Variants in UBAP2 observed in about 807,000 individuals in gnomAD.
UBAP2 encodes ubiquitin-associated protein 2.
In UBAP2, 75 loss-of-function variants were observed where a neutral mutation model predicts 139.6. That is an observed-to-expected ratio of 0.54 (90% confidence interval 0.45 to 0.65). The LOEUF (loss-of-function observed/expected upper bound fraction) is 0.65. Ranked by LOEUF, UBAP2 falls within the 30% of genes least tolerant of loss-of-function variation. The pLI, the probability that UBAP2 is intolerant of heterozygous loss-of-function variation, is 0.00. For missense variants in UBAP2, 1,368 were observed against 1,369.6 expected, an observed-to-expected ratio of 1.00 and a Z score of 0.02; for synonymous variants, 526 against 526.2, an observed-to-expected ratio of 1.00 and a Z score of 0.01.
intron 2 of UBAP2, among the ~76,000 whole-genome samples, chr9:34,014,963 T>C (rs1305641472): frequency 6.6e-6 from 1 of 152,156 alleles, no homozygotes; most frequent in Non-Finnish European, 1.5e-5. Context: ...TGTCTGTTAA[T>C]ACCAGCAGAA....
chr9:34,016,286 AGG>A (rs1564064177), intron 2 of UBAP2, among the ~76,000 whole-genome samples: 10 of 17,464 alleles, frequency 5.7e-4, no homozygotes, highest in Middle Eastern at 0.033. Context: ...GAGGAAGAGG[AGG>A]AGGAGGAAGA....
intron 13 of UBAP2, among the ~76,000 whole-genome samples, chr9:33,945,506 A>T (rs1825591652): frequency 6.6e-6 from 1 of 151,624 alleles, no homozygotes; most frequent in Non-Finnish European, 1.5e-5. Flanking sequence ...ACAAACAAAC[A>T]AAAAACAAAA....
intron 1 of UBAP2, among the ~76,000 whole-genome samples, chr9:34,023,484 T>TA (rs1408117760): frequency 1.3e-5 from 2 of 152,180 alleles, no homozygotes; most frequent in Non-Finnish European, 2.9e-5. Flanking sequence ...TAACGCAAAC[T>TA]ATTAAAATTT....
At chr9:33,991,479 A>G (rs974155059) in intron 4 of UBAP2, among the ~76,000 whole-genome samples, 32 of 152,326 alleles carry the variant, frequency 2.1e-4, no homozygotes, top group African/African-American at 7.5e-4. Context: ...ATAGGTACAT[A>G]TAGAAAGAGG....
In UBAP2 at chr9:33,986,941, A is replaced by G. The variant is rs527683592; in HGVS notation, c.443-104T>C. The stretch of plus-strand genomic sequence containing the variant: ...GCAAAGAAGGAATGACAAACAGGCT[A>G]CAATTTAAACAACGGGTTCAAAAAC... On this transcript the variant is annotated intron_variant, in intron 5 of 28. Coordinates refer to ENST00000379238, the MANE Select transcript of UBAP2 (RefSeq NM_001370062.2). 76 of 989,718 alleles carry G rather than the reference A, an allele frequency of 7.7e-5. No individual in the cohort carries two copies. In the African/African-American group the frequency reaches 1.2e-3, roughly 15 times the overall value. 61.3% of individuals were successfully genotyped at this position (989,718 alleles called of 1,614,324 possible).
chr9:34,028,842 G>A (rs1179037399), intron 1 of UBAP2, among the ~76,000 whole-genome samples: 1 of 152,044 alleles, frequency 6.6e-6, no homozygotes, highest in African/African-American at 2.4e-5. Flanking sequence ...CTATAAAGCA[G>A]GGATCCCCAA....
chr9:34,000,963 C>T (rs1822648713), intron 2 of UBAP2, among the ~76,000 whole-genome samples: 1 of 152,124 alleles, frequency 6.6e-6, no homozygotes. Flanking sequence ...TCAATTGTTC[C>T]CTGTAAATGT....
At chr9:33,944,847 T>C (rs946825459) in intron 13 of UBAP2, among the ~76,000 whole-genome samples, 6 of 152,152 alleles carry the variant, frequency 3.9e-5, no homozygotes, top group Non-Finnish European at 7.3e-5. Flanking sequence ...CCAGAGAGAT[T>C]TGGTTTATGT....
intron 1 of UBAP2, among the ~76,000 whole-genome samples, chr9:34,044,892 G>T (rs1827431772): frequency 6.6e-6 from 1 of 151,790 alleles, no homozygotes; most frequent in South Asian, 2.1e-4. Flanking sequence ...TAAATGAAGA[G>T]TATTACCTAG....
At chr9:34,005,091 C>T (rs1358353259) in intron 2 of UBAP2, among the ~76,000 whole-genome samples, 2 of 151,702 alleles carry the variant, frequency 1.3e-5, no homozygotes, top group Admixed American at 6.6e-5. Context: ...GGTGAAACCC[C>T]GTCTACACTA....
chr9:33,970,693 A>G (rs1242890608), intron 8 of UBAP2, among the ~76,000 whole-genome samples: 1 of 152,060 alleles, frequency 6.6e-6, no homozygotes, highest in Non-Finnish European at 1.5e-5. Flanking sequence ...TGGCCACCTA[A>G]ATGCTGAGAC....
intron 9 of UBAP2, 72 bp downstream of exon 9, chr9:33,963,653 TA>T: frequency 1.1e-6 from 1 of 896,310 alleles, no homozygotes; most frequent in Non-Finnish European, 1.7e-6. Context: ...CTAGCTTTGA[TA>T]AAAAATGAAA....
intron 1 of UBAP2, among the ~76,000 whole-genome samples, chr9:34,047,158 A>T (rs1262725184): frequency 6.6e-6 from 1 of 152,094 alleles, no homozygotes; most frequent in Non-Finnish European, 1.5e-5. Context: ...TTTCATAATT[A>T]TTGAGGGTGA....
At chr9:33,970,154 A>C (rs1344162529) in intron 8 of UBAP2, among the ~76,000 whole-genome samples, 1 of 150,408 alleles carries the variant, frequency 6.6e-6, no homozygotes, top group East Asian at 2.0e-4. Flanking sequence ...GGCTGGTCTC[A>C]AACTCCTGAG....
At chr9:34,003,071 C>CT (rs1564057206) in intron 2 of UBAP2, among the ~76,000 whole-genome samples, 2 of 127,270 alleles carry the variant, frequency 1.6e-5, no homozygotes, top group African/African-American at 5.8e-5. Flanking sequence ...TTTTTTTTTT[C>CT]TTTTTTTGAG....
chr9:33,960,780 C>CAAAA (rs375878545), intron 10 of UBAP2, 46 bp downstream of exon 10: 9 of 1,313,784 alleles, frequency 6.9e-6, no homozygotes, highest in Admixed American at 2.3e-5. Flanking sequence ...AATTCCATTT[C>CAAAA]AAAAAAAAAA....
At chr9:33,991,367 C>T (rs1045373613) in intron 4 of UBAP2, among the ~76,000 whole-genome samples, 9 of 152,060 alleles carry the variant, frequency 5.9e-5, no homozygotes, top group Non-Finnish European at 7.4e-5. Context: ...TGATCAACAG[C>T]ATAAAAGGAG....
rs755278438 is a variant in UBAP2, at chr9:33,924,253, G to A, written c.2543C>T (p.Thr848Ile). Residue 848 changes from threonine to isoleucine, a missense_variant, in exon 23 of 29, where the codon ACA (threonine) becomes ATA (isoleucine). Thr to Ile is a moderately conservative substitution (Grantham distance 89). Transcript: ENST00000379238. ...GCTCCCATCTCGGCTGGCAAGCGCT[G>A]TGGGTGCAGCAAAGGGAATTCCATA... ...DYYGIPFAAPTALASRDGSLA... is the reference protein window; with the variant it reads ...DYYGIPFAAPIALASRDGSLA... The A allele has an allele frequency of 7.4e-6, 12 of 1,614,048 alleles. No homozygotes were observed. The African/African-American group carries it at 1.3e-4, about 18-fold the overall frequency.
chr9:33,987,365 TCTC>T (rs972243744), intron 5 of UBAP2, among the ~76,000 whole-genome samples: 3 of 151,976 alleles, frequency 2.0e-5, no homozygotes, highest in African/African-American at 7.3e-5. Flanking sequence ...TGAGCCGAGA[TCTC>T]CTCACTGCAC....
Sources: allele counts gnomAD v4.1 joint callset (sites outside exome capture counted in the v4.1 genomes callset), GRCh38; gene constraint gnomAD v4.1.1; transcripts MANE v1.5; gene names NCBI Gene and HGNC (gene_info 2026-07-23, HGNC 2026-07-21).